The following KLRF1 variants were observed in gnomAD, a reference collection of about 807,000 sequenced individuals.
KLRF1 encodes killer cell lectin-like receptor subfamily F member 1.
A neutral mutation model predicts 30.7 loss-of-function variants in KLRF1; 27 were observed. The ratio of observed to expected loss-of-function variants is 0.88; its 90% confidence interval spans 0.65 to 1.21. KLRF1 has a LOEUF of 1.21. Among genes scored for constraint, KLRF1 ranks in the 50% most tolerant of loss-of-function variants. The pLI, the probability that KLRF1 is intolerant of heterozygous loss-of-function variation, is 0.00. For missense variants in KLRF1, 246 were observed against 259.3 expected (o/e 0.95, Z 0.35); for synonymous variants, 92 against 89.3 (o/e 1.03, Z -0.17).
the KLRF1 span, among the ~76,000 whole-genome samples, chr12:9,816,195 C>T: frequency 6.6e-6 from 1 of 152,204 alleles, no homozygotes; most frequent in Non-Finnish European, 1.5e-5. Flanking sequence ...TCTTCCTGTT[C>T]ATCAGGATAA....
chr12:9,818,770 A>AAATTGTCAG, the KLRF1 span, among the ~76,000 whole-genome samples: 1 of 152,212 alleles, frequency 6.6e-6, no homozygotes, highest in Admixed American at 6.5e-5. Context: ...AATGCCAAAA[A>AAATTGTCAG]AATTGTCAGT....
chr12:9,821,386 C>A, the KLRF1 span, among the ~76,000 whole-genome samples: 1 of 152,048 alleles, frequency 6.6e-6, no homozygotes, highest in African/African-American at 2.4e-5. Flanking sequence ...GAGCAAAGAC[C>A]CTAACTACCT....
chr12:9,802,116 G>A, the KLRF1 span, among the ~76,000 whole-genome samples: 7 of 151,944 alleles, frequency 4.6e-5, no homozygotes, highest in Admixed American at 1.3e-4. Context: ...GAATCCAGCA[G>A]CACATCAAAA....
At chr12:9,824,706 C>T (rs975229708), upstream of KLRF1, among the ~76,000 whole-genome samples, 1 of 152,068 alleles carries the variant, frequency 6.6e-6, no homozygotes, top group African/African-American at 2.4e-5. Context: ...GATTATATAC[C>T]TAGAAAACCC....
chr12:9,840,010 A>G (rs542122376), intron 3 of KLRF1, among the ~76,000 whole-genome samples: 2 of 152,298 alleles, frequency 1.3e-5, no homozygotes, highest in African/African-American at 4.8e-5. Flanking sequence ...AAATATTCTT[A>G]CAACCATAAA....
chr12:9,836,270 C>T (rs1249891897), intron 3 of KLRF1, among the ~76,000 whole-genome samples: 6 of 151,962 alleles, frequency 3.9e-5, no homozygotes, highest in Non-Finnish European at 5.9e-5. Flanking sequence ...GGACCGAGCC[C>T]CAAAAACTAG....
the KLRF1 span, among the ~76,000 whole-genome samples, chr12:9,820,659 G>T: frequency 6.6e-6 from 1 of 152,126 alleles, no homozygotes; most frequent in African/African-American, 2.4e-5. Context: ...ACAGCCGCTG[G>T]ACATGGTACT....
the KLRF1 span, among the ~76,000 whole-genome samples, chr12:9,809,910 T>C: frequency 6.6e-6 from 1 of 152,128 alleles, no homozygotes; most frequent in African/African-American, 2.4e-5. Flanking sequence ...AATCACCCCA[T>C]GAATAAATCA....
upstream of KLRF1, among the ~76,000 whole-genome samples, chr12:9,822,653 C>G (rs918770881): frequency 6.6e-6 from 1 of 152,082 alleles, no homozygotes; most frequent in African/African-American, 2.4e-5. Flanking sequence ...ACTAGCTGCC[C>G]CATTTAAAAG....
upstream of KLRF1, among the ~76,000 whole-genome samples, chr12:9,827,011 C>T (rs1591750553): frequency 1.3e-5 from 2 of 151,908 alleles, no homozygotes. Context: ...CACATGTAGC[C>T]CTGAACCTAA....
rs748028221 is a variant in KLRF1 at position 9,842,057 on chromosome 12, G to A, written c.474+106G>A. The A allele has an allele frequency of 1.6e-5, 20 of 1,277,458 alleles. No individual in the cohort carries two copies. In the South Asian group the frequency reaches 2.6e-4, roughly 17 times the overall value. 79.1% of individuals were successfully genotyped at this position (1,277,458 alleles called of 1,614,324 possible). A position where few individuals can be genotyped will look rare whatever the true frequency, so the allele number is the denominator to read the frequency against. ...AATCATCATTTACCTTGATTATCGA[G>A]TTTTGGGCACCCTCTTAAATTTTGT... On this transcript the variant is annotated intron_variant, in intron 4 of 5. Coordinates refer to ENST00000617889, the MANE Select transcript of KLRF1 (RefSeq NM_016523.3).
intron 4 of KLRF1, 21 bp downstream of exon 4, chr12:9,841,972 G>A: frequency 6.3e-7 from 1 of 1,587,622 alleles, no homozygotes; most frequent in Non-Finnish European, 8.6e-7. Context: ...TAGTATCAGG[G>A]TTATGGCATC....
chr12:9,844,292 C>A, intron 5 of KLRF1, 126 bp from the exon 6 acceptor site: 2 of 579,434 alleles, frequency 3.5e-6, no homozygotes, highest in Non-Finnish European at 6.1e-6. Context: ...GTTAGTGAAT[C>A]CAAGTATGTA....
intron 3 of KLRF1, among the ~76,000 whole-genome samples, chr12:9,836,025 G>A (rs1285191833): frequency 3.3e-5 from 5 of 152,046 alleles, no homozygotes; most frequent in Admixed American, 2.6e-4. Flanking sequence ...TACATGTAAG[G>A]TGGGGGCAGC....
chr12:9,842,175 T>A, intron 4 of KLRF1, 146 bp from the exon 5 acceptor site: 2 of 848,896 alleles, frequency 2.4e-6, no homozygotes. Flanking sequence ...AACATATATA[T>A]GATATAATGT....
chr12:9,831,330 A>C (rs1867423314), intron 1 of KLRF1, among the ~76,000 whole-genome samples: 1 of 152,150 alleles, frequency 6.6e-6, no homozygotes, highest in African/African-American at 2.4e-5. Context: ...AACCCTGCGA[A>C]CTATTTATCT....
chr12:9,839,330 A>C (rs776638182), intron 3 of KLRF1, among the ~76,000 whole-genome samples: 4 of 152,006 alleles, frequency 2.6e-5, no homozygotes, highest in Admixed American at 2.6e-4. Context: ...CCCACCTCCT[A>C]ATACCATCAT....
chr12:9,844,688 C>A lies in KLRF1; in HGVS notation c.*162C>A, dbSNP rs1454788620. On this transcript the variant is annotated 3_prime_UTR_variant, in exon 6 of 6. Transcript: ENST00000617889. ...GACACTGGTCTAGCCTCAGAGTAAC[C>A]CCTGTTAACAAACTAAAATGTACAC... 3 of 496,464 alleles carry A rather than the reference C, an allele frequency of 6.0e-6. No homozygotes were observed. Among genetic ancestry groups the A allele is most frequent in the Non-Finnish European group, 1.1e-5 (3 of 275,178 alleles). The allele number at this position is 496,464 out of a possible 1,614,324, so 30.8% of individuals were successfully genotyped here.
In KLRF1 at chr12:9,840,658, A is replaced by G. The variant is rs199501817; in HGVS notation, c.335-1154A>G. Among the ~76,000 whole-genome samples the G allele has an allele frequency of 7.2e-5, 11 of 152,256 alleles. No individual in the cohort carries two copies. The East Asian group carries it at 1.9e-3, about 27-fold the overall frequency. On this transcript the variant is annotated intron_variant, in intron 3 of 5. Transcript: ENST00000617889. The stretch of plus-strand genomic sequence containing the variant: ...TTAATATTAAGAGGGAGAAAGGGAT[A>G]CACATACAAAACTACAAGGAGAGCG...
Sources: allele counts gnomAD v4.1 joint callset (sites outside exome capture counted in the v4.1 genomes callset), GRCh38; gene constraint gnomAD v4.1.1; transcripts MANE v1.5; gene names NCBI Gene and HGNC (gene_info 2026-07-23, HGNC 2026-07-21).